Variants in KBTBD6 observed in about 807,000 individuals in gnomAD.
KBTBD6 encodes the protein kelch repeat and BTB domain-containing protein 6.
A neutral mutation model predicts 34.4 loss-of-function variants in KBTBD6; 6 were observed. The ratio of observed to expected loss-of-function variants is 0.17; its 90% CI spans 0.10 to 0.34. The LOEUF (loss-of-function observed/expected upper bound fraction) is 0.34. Among genes scored for constraint, KBTBD6 ranks in the 10% least tolerant of loss-of-function variants. The pLI is 1.00. For missense variants in KBTBD6, 557 were observed against 856.0 expected (o/e 0.65, Z 4.36); for synonymous variants, 288 against 327.2 (o/e 0.88, Z 1.29).
At position 41,131,416 on chromosome 13, in the gene KBTBD6, G is replaced by C. The variant is rs755815285; in HGVS notation, c.1096C>G (p.Leu366Val). The C allele has an allele frequency of 1.2e-6, 2 of 1,614,090 alleles. No homozygotes were observed. The highest frequency in any genetic ancestry group is 2.2e-5 in the South Asian group (2 of 91,078). Residue 366 changes from leucine to valine, a missense_variant, in exon 1 of 1, where the codon CTT (leucine) becomes GTT (valine). Around this residue, in one of 4 missense-constraint regions of KBTBD6, gnomAD observed 309 missense variants for 504.5 expected, o/e 0.61. Transcript: ENST00000379485. The surrounding 1 kb of genome is among the most constrained non-coding windows in gnomAD (Gnocchi z 5.8). ...FLCCDPYSGD[L>V]YKVPSPLTCL... Reference sequence around the variant, plus strand: ...GTCAAAGGTGACGGCACTTTGTAAAGGTCCCCCGAGTATGGATCACAGCAG... The same window carrying C: ...GTCAAAGGTGACGGCACTTTGTAAACGTCCCCCGAGTATGGATCACAGCAG...
Position 41,132,014 on chromosome 13 carries a change from T to A in KBTBD6, c.498A>T (p.Arg166=). ...CGGTGCAGTTGGTCAGGTCAAGACGTCGGGCTAAGAAGGAGGCACAGGCTT... is the reference window on the plus strand; with the variant it reads ...CGGTGCAGTTGGTCAGGTCAAGACGACGGGCTAAGAAGGAGGCACAGGCTT... The part of the protein sequence containing the change: ...VREACASFLA[R]RLDLTNCTAI... Residue 166 remains arginine (R), a synonymous_variant, in exon 1 of 1, where the codon CGA becomes CGT. Transcript: ENST00000379485. The A allele has an allele frequency of 1.2e-6, 2 of 1,614,254 alleles. No individual in the cohort carries two copies.
Position 41,132,719 on chromosome 13 carries a change from T to C in KBTBD6, c.-208A>G. The C allele has an allele frequency of 3.2e-6, 2 of 632,818 alleles. No homozygotes were observed. The allele number at this position is 632,818 out of a possible 1,614,324, so 39.2% of individuals were successfully genotyped here. On this transcript the variant is annotated 5_prime_UTR_variant, in exon 1 of 1. Transcript: ENST00000379485. ...TGACTCACCCTCTCTCACTCCCGCG[T>C]CCTTTCTCCGCGTCTGCTCGCCTTC...
rs749525160 is a variant in KBTBD6, at chr13:41,132,332, C to A, written c.180G>T (p.Arg60=). ...LAQLKSFYDA[R]LLCDVTIEVV... ...CCTCGATGGTCACATCACACAGCAG[C>A]CGCGCATCGTAGAAGGACTTGAGCT... Residue 60 remains arginine (R), a synonymous_variant, in exon 1 of 1, where the codon CGG becomes CGT. Transcript: ENST00000379485. 15 of 1,614,256 alleles carry A rather than the reference C, an allele frequency of 9.3e-6. No homozygotes were observed. The South Asian group carries it at 1.6e-4, about 18-fold the overall frequency.
rs2138515823 is a variant in KBTBD6 at position 41,129,389 on chromosome 13, C to T, written c.*1098G>A. On this transcript the variant is annotated 3_prime_UTR_variant, in exon 1 of 1. Coordinates refer to ENST00000379485, the MANE Select transcript of KBTBD6 (RefSeq NM_152903.5). ...GAAGCATGTATCAGGTTTAGATCAA[C>T]AATACAAACCTACAAAGCAAGTTAC... is the stretch of plus-strand genomic sequence containing the variant. The T allele has an allele frequency of 6.6e-6, 1 of 152,200 alleles. No individual in the cohort carries two copies. The highest frequency in any genetic ancestry group is 1.5e-5 in the Non-Finnish European group (1 of 67,982). The allele number at this position is 152,200 out of a possible 1,614,324, so 9.4% of individuals were successfully genotyped here. A position where few individuals can be genotyped will look rare whatever the true frequency, so the allele number is the denominator to read the frequency against.
rs993470552 is a variant in KBTBD6, at chr13:41,127,836, G to C, written c.*2651C>G. ...ATGTTTCAACCTTAGAGAACAAAAA[G>C]CTATCAACAAGATAGTGGTAAAGAA... On this transcript the variant is annotated 3_prime_UTR_variant, in exon 1 of 1. Coordinates refer to ENST00000379485, the MANE Select transcript of KBTBD6 (RefSeq NM_152903.5). 1 of 152,152 alleles carries C rather than the reference G, an allele frequency of 6.6e-6. No individual in the cohort carries two copies. The highest frequency in any genetic ancestry group is 1.5e-5 in the Non-Finnish European group (1 of 68,004). The allele number at this position is 152,152 out of a possible 1,614,324, so 9.4% of individuals were successfully genotyped here.
At position 41,131,633 on chromosome 13, in the gene KBTBD6, G is replaced by A. The variant is rs753552430; in HGVS notation, c.879C>T (p.Asp293=). 4 of 1,613,644 alleles carry A rather than the reference G, an allele frequency of 2.5e-6. No homozygotes were observed. Among genetic ancestry groups the A allele is most frequent in the South Asian group, 1.1e-5 (1 of 91,066 alleles). The part of the protein sequence containing the change: ...TKPIVKKYCL[D]VIEGALQMRY... ...GCATCTGCAGGGCCCCTTCAATAAC[G>A]TCCAGGCAGTACTTCTTCACGATGG... Residue 293 remains aspartate, a synonymous_variant, in exon 1 of 1, where the codon GAC becomes GAT. Transcript: ENST00000379485. This position sits in a 1 kb window ranked among gnomAD's most constrained non-coding sequence, Gnocchi z 5.8.
In KBTBD6 at chr13:41,130,628, ACT is replaced by A; in HGVS notation, c.1882_1883del (p.Ser628PhefsTer4). On this transcript the variant is annotated frameshift_variant, in exon 1 of 1. Coordinates refer to ENST00000379485, the MANE Select transcript of KBTBD6 (RefSeq NM_152903.5). LOFTEE classifies it high-confidence loss of function. The surrounding 1 kb of genome is among the most constrained non-coding windows in gnomAD (Gnocchi z 4.8). ...VYPSCLEPGQ[S>X]FLTEEEEIPS... ...GTATTTCTTCTTCTTCAGTGAGGAAACTCTGACCAGGTTCAAGGCAGGAAGGA... is the reference window on the plus strand; with the variant it reads ...GTATTTCTTCTTCTTCAGTGAGGAAACTGACCAGGTTCAAGGCAGGAAGGA... 1.2e-6 allele frequency: 2 copies of A among 1,614,182 alleles called. No individual in the cohort carries two copies. Among genetic ancestry groups the A allele is most frequent in the East Asian group, 4.5e-5 (2 of 44,888 alleles).
In KBTBD6 at chr13:41,132,681, T is replaced by C; in HGVS notation, c.-170A>G. 2.6e-6 allele frequency: 2 copies of C among 765,164 alleles called. No individual in the cohort carries two copies. 47.4% of individuals were successfully genotyped at this position (765,164 alleles called of 1,614,324 possible). ...CCCGCAGAACCGCCTCCCGTTATCG[T>C]TTAGACAGTGGCTGACTCACCCTCT... On this transcript the variant is annotated 5_prime_UTR_variant, in exon 1 of 1. Coordinates refer to ENST00000379485, the MANE Select transcript of KBTBD6 (RefSeq NM_152903.5).
At position 41,130,437 on chromosome 13, in the gene KBTBD6, A is replaced by C. The variant is rs753840584; in HGVS notation, c.*50T>G. 3 of 1,340,666 alleles carry C rather than the reference A, an allele frequency of 2.2e-6. No homozygotes were observed. Among genetic ancestry groups the C allele is most frequent in the Non-Finnish European group, 3.1e-6 (3 of 969,576 alleles). The allele number at this position is 1,340,666 out of a possible 1,614,324, so 83.0% of individuals were successfully genotyped here. A position where few individuals can be genotyped will look rare whatever the true frequency, so the allele number is the denominator to read the frequency against. On this transcript the variant is annotated 3_prime_UTR_variant, in exon 1 of 1. Coordinates refer to ENST00000379485, the MANE Select transcript of KBTBD6 (RefSeq NM_152903.5). This position sits in a 1 kb window ranked among gnomAD's most constrained non-coding sequence, Gnocchi z 4.8. ...AGATATTTTCCAAAACAGTAAAAAC[A>C]ACTTAGTGTTTCAATCTAGTTACAA...
chr13:41,132,659 G>A lies in KBTBD6; in HGVS notation c.-148C>T, dbSNP rs1283176371. 12 of 911,822 alleles carry A rather than the reference G, an allele frequency of 1.3e-5. No homozygotes were observed. In the East Asian group the frequency reaches 2.6e-4, roughly 20 times the overall value. The allele number at this position is 911,822 out of a possible 1,614,324, so 56.5% of individuals were successfully genotyped here. A position where few individuals can be genotyped will look rare whatever the true frequency, so the allele number is the denominator to read the frequency against. On this transcript the variant is annotated 5_prime_UTR_variant, in exon 1 of 1. Transcript: ENST00000379485. The stretch of plus-strand genomic sequence containing the variant: ...CATTTACTGAATTCAACCCTACCCC[G>A]CAGAACCGCCTCCCGTTATCGTTTA...
chr13:41,127,885 A>G lies in KBTBD6; in HGVS notation c.*2602T>C, dbSNP rs1168252231. On this transcript the variant is annotated 3_prime_UTR_variant, in exon 1 of 1. Coordinates refer to ENST00000379485, the MANE Select transcript of KBTBD6 (RefSeq NM_152903.5). ...AAAATGCTAGCCAAAAAATAACACT[A>G]TTGAGAAATAGGTGCGTATTAAGTG... The G allele has an allele frequency of 1.3e-5, 2 of 152,234 alleles. No individual in the cohort carries two copies. Among genetic ancestry groups the G allele is most frequent in the Non-Finnish European group, 2.9e-5 (2 of 68,040 alleles). The allele number at this position is 152,234 out of a possible 1,614,324, so 9.4% of individuals were successfully genotyped here. A position where few individuals can be genotyped will look rare whatever the true frequency, so the allele number is the denominator to read the frequency against.
Position 41,131,538 on chromosome 13 carries a change from T to C in KBTBD6, c.974A>G (p.Asn325Ser), listed in dbSNP as rs1189878885. The C allele has an allele frequency of 1.9e-6, 3 of 1,613,868 alleles. No individual in the cohort carries two copies. The highest frequency in any genetic ancestry group is 2.5e-6 in the Non-Finnish European group (3 of 1,179,974). The change falls in exon 1 of 1, where the codon AAC becomes AGC. Residue 325 changes from asparagine (N) to serine (S), a missense_variant. By Grantham distance (46) the Asn-to-Ser change is conservative. This residue lies in a region of KBTBD6 where 309 missense variants were observed against 504.5 expected (regional missense o/e 0.61). Transcript: ENST00000379485. The surrounding 1 kb of genome is among the most constrained non-coding windows in gnomAD (Gnocchi z 5.8). ...ATTTTCTGCTGCAGATACAAGAGAG[T>C]TGCTGCTGCTACTGCTGCTGCTGCT... ...PNSSSSSSSS[N>S]SLVSAAENPP...
rs745865038 is a variant in KBTBD6, at chr13:41,131,304, G to T, written c.1208C>A (p.Thr403Lys). ...AGCTGGTTTATACACCCAGAGGTCT[G>T]TCCTGGGCTGAGCAGCTAGATAGAT... is the stretch of plus-strand genomic sequence containing the variant. Reference protein sequence around the residue: ...HDIYLAAQPRTDLWVYKPAQN... With the variant: ...HDIYLAAQPRKDLWVYKPAQN... The change falls in exon 1 of 1, where the codon ACA (threonine) becomes AAA (lysine). Residue 403 changes from threonine to lysine, a missense_variant. Physicochemically the swap from Thr to Lys is moderately conservative, Grantham distance 78 (BLOSUM62 -1). Transcript: ENST00000379485. This position sits in a 1 kb window ranked among gnomAD's most constrained non-coding sequence, Gnocchi z 5.8. 49 of 1,613,852 alleles carry T rather than the reference G, an allele frequency of 3.0e-5. No individual in the cohort carries two copies. The highest frequency in any genetic ancestry group is 4.5e-5 in the East Asian group (2 of 44,890).
rs764430000 is a variant in KBTBD6 at position 41,130,894 on chromosome 13, C to T, written c.1618G>A (p.Val540Ile). ...TTCATTTGCCTCCATTCTGCCCTAA[C>T]TGGGTTGTAGACCTTCATGACTGGG... is the stretch of plus-strand genomic sequence containing the variant. ...DIPVMKVYNP[V>I]RAEWRQMNNI... The change falls in exon 1 of 1, where the codon GTT becomes ATT. Residue 540 changes from valine (V) to isoleucine (I), a missense_variant. This residue lies in a region of KBTBD6 where 309 missense variants were observed against 504.5 expected (regional missense o/e 0.61). Coordinates refer to ENST00000379485, the MANE Select transcript of KBTBD6 (RefSeq NM_152903.5). This position sits in a 1 kb window ranked among gnomAD's most constrained non-coding sequence, Gnocchi z 4.8. 4 of 1,614,174 alleles carry T rather than the reference C, an allele frequency of 2.5e-6. No individual in the cohort carries two copies. The highest frequency in any genetic ancestry group is 3.4e-6 in the Non-Finnish European group (4 of 1,180,020).
In KBTBD6 at chr13:41,132,713, C is replaced by G. The variant is rs2030134430; in HGVS notation, c.-202G>C. The G allele has an allele frequency of 7.7e-6, 5 of 647,514 alleles. No homozygotes were observed. In the South Asian group the frequency reaches 8.9e-5, roughly 11 times the overall value. The allele number at this position is 647,514 out of a possible 1,614,324, so 40.1% of individuals were successfully genotyped here. A position where few individuals can be genotyped will look rare whatever the true frequency, so the allele number is the denominator to read the frequency against. On this transcript the variant is annotated 5_prime_UTR_variant, in exon 1 of 1. Transcript: ENST00000379485. ...AGTGGCTGACTCACCCTCTCTCACT[C>G]CCGCGTCCTTTCTCCGCGTCTGCTC...
In KBTBD6 at chr13:41,130,241, T is replaced by C. The variant is rs1185446942; in HGVS notation, c.*246A>G. 2 of 390,588 alleles carry C rather than the reference T, an allele frequency of 5.1e-6. No individual in the cohort carries two copies. The highest frequency in any genetic ancestry group is 9.1e-6 in the Non-Finnish European group (2 of 220,026). The allele number at this position is 390,588 out of a possible 1,614,324, so 24.2% of individuals were successfully genotyped here. On this transcript the variant is annotated 3_prime_UTR_variant, in exon 1 of 1. Transcript: ENST00000379485. This position sits in a 1 kb window ranked among gnomAD's most constrained non-coding sequence, Gnocchi z 4.8. ...TTAGTGTCATGAAACATAAACATAC[T>C]AAATAATCAAATAAATACTGGACCC...
rs768432202 is a variant in KBTBD6, at chr13:41,131,967, G to C, written c.545C>G (p.Ala182Gly). Residue 182 changes from alanine (A) to glycine (G), a missense_variant, in exon 1 of 1, where the codon GCC (alanine) becomes GGC (glycine). This residue lies in a region of KBTBD6 where 100 missense variants were observed against 102.1 expected (regional missense o/e 0.98). Transcript: ENST00000379485. The surrounding 1 kb of genome is among the most constrained non-coding windows in gnomAD (Gnocchi z 5.8). ...NCTAILKFAD[A>G]FGHRKLRSQA... ...GGATCGCAGCTTGCGATGGCCAAAG[G>C]CATCTGCAAACTTGAGGATGGCGGT... 2.5e-6 allele frequency: 4 copies of C among 1,614,292 alleles called. No individual in the cohort carries two copies.
In KBTBD6 at chr13:41,130,504, G is replaced by T. The variant is rs1323774402; in HGVS notation, c.2008C>A (p.Arg670Ser). ...SSLSDDDFWV[R>S]VAPQ is the part of the protein sequence containing the mutation. Reference sequence around the variant, plus strand: ...TGTGCATTTCACTGAGGCGCTACACGCACCCAAAAATCATCATCAGAAAGA... The same window carrying T: ...TGTGCATTTCACTGAGGCGCTACACTCACCCAAAAATCATCATCAGAAAGA... Residue 670 changes from arginine to serine, a missense_variant, in exon 1 of 1, where the codon CGT becomes AGT. Physicochemically the swap from Arg to Ser is moderately radical, Grantham distance 110 (BLOSUM62 -1). This residue lies in a region of KBTBD6 where 309 missense variants were observed against 504.5 expected (regional missense o/e 0.61). Transcript: ENST00000379485. This position sits in a 1 kb window ranked among gnomAD's most constrained non-coding sequence, Gnocchi z 4.8. 9 of 1,613,058 alleles carry T rather than the reference G, an allele frequency of 5.6e-6. No homozygotes were observed. The highest frequency in any genetic ancestry group is 1.7e-4 in the Middle Eastern group (1 of 6,054).
In KBTBD6 at chr13:41,130,352, C is replaced by T; in HGVS notation, c.*135G>A. The T allele has an allele frequency of 1.6e-6, 1 of 641,234 alleles. No individual in the cohort carries two copies. 39.7% of individuals were successfully genotyped at this position (641,234 alleles called of 1,614,324 possible). On this transcript the variant is annotated 3_prime_UTR_variant, in exon 1 of 1. Transcript: ENST00000379485. This position sits in a 1 kb window ranked among gnomAD's most constrained non-coding sequence, Gnocchi z 4.8. ...CTTCGTATTTCAAACATTACTTTTTCTAAACCAAACCAGAAGTTAATCAAC... is the reference window on the plus strand; with the variant it reads ...CTTCGTATTTCAAACATTACTTTTTTTAAACCAAACCAGAAGTTAATCAAC...
Sources: allele counts gnomAD v4.1 joint callset, GRCh38; gene constraint gnomAD v4.1.1; regional missense constraint gnomAD v4.1.1; non-coding constraint Gnocchi (gnomAD v3.1); transcripts MANE v1.5; gene names NCBI Gene and HGNC (gene_info 2026-07-23, HGNC 2026-07-21).